The following MAF variants were observed in gnomAD, a reference collection of about 807,000 sequenced individuals.
The protein encoded by MAF is MAF bZIP transcription factor.
In MAF, 10 loss-of-function variants were observed where a neutral mutation model predicts 22.0. The ratio of observed to expected loss-of-function variants is 0.45; its 90% CI spans 0.28 to 0.77. The LOEUF is 0.77. MAF is among the 30% of genes least tolerant of loss of function. The probability of loss-of-function intolerance (pLI) is 0.12; values close to 1 mark genes in which losing one functional copy is unlikely to be tolerated. For missense variants in MAF, 544 were observed against 548.4 expected (o/e 0.99, Z 0.08); for synonymous variants, 337 against 255.8 (o/e 1.32, Z -3.03).
the MAF span, among the ~76,000 whole-genome samples, chr16:79,392,440 AGAG>A: frequency 6.8e-6 from 1 of 146,562 alleles, no homozygotes; most frequent in East Asian, 2.1e-4. Flanking sequence ...AAGGGAAGAG[AGAG>A]GAGGAGGAGA....
the MAF span, among the ~76,000 whole-genome samples, chr16:79,361,615 G>A: frequency 6.6e-6 from 1 of 152,086 alleles, no homozygotes; most frequent in Non-Finnish European, 1.5e-5. Context: ...GCACAATGGA[G>A]CCCATAGCTA....
At chr16:79,324,380 G>T in the MAF span, among the ~76,000 whole-genome samples, 25 of 152,088 alleles carry the variant, frequency 1.6e-4, no homozygotes, top group Non-Finnish European at 3.5e-4. Context: ...TTTACAGGAG[G>T]TGAAATCTGT....
At chr16:79,402,847 C>T in the MAF span, among the ~76,000 whole-genome samples, 2 of 152,282 alleles carry the variant, frequency 1.3e-5, no homozygotes, top group East Asian at 3.9e-4. Context: ...GGGGAAGTTC[C>T]AAGGAGTAGA....
At chr16:79,492,433 A>G in the MAF span, among the ~76,000 whole-genome samples, 1 of 152,114 alleles carries the variant, frequency 6.6e-6, no homozygotes, top group Non-Finnish European at 1.5e-5. Flanking sequence ...GGCAATTTAC[A>G]TGGCTCAGCT....
the MAF span, among the ~76,000 whole-genome samples, chr16:79,226,230 G>A: frequency 2.6e-5 from 4 of 152,156 alleles, no homozygotes; most frequent in Admixed American, 6.5e-5. Flanking sequence ...TCCTTTGCAG[G>A]GACATGGATG....
the MAF span, among the ~76,000 whole-genome samples, chr16:79,306,745 C>T: frequency 1.3e-5 from 2 of 152,120 alleles, no homozygotes; most frequent in African/African-American, 2.4e-5. Flanking sequence ...CTGGGCAATC[C>T]TCATAGACAG....
At chr16:79,403,652 G>T in the MAF span, among the ~76,000 whole-genome samples, 1 of 152,204 alleles carries the variant, frequency 6.6e-6, no homozygotes, top group Admixed American at 6.5e-5. Flanking sequence ...CACCTCTGGA[G>T]TCTAGCAAGG....
chr16:79,314,570 G>A, the MAF span, among the ~76,000 whole-genome samples: 1 of 152,146 alleles, frequency 6.6e-6, no homozygotes, highest in African/African-American at 2.4e-5. Context: ...GGGATGGCAG[G>A]TCCCTACATT....
chr16:79,352,173 C>A, the MAF span, among the ~76,000 whole-genome samples: 1 of 152,186 alleles, frequency 6.6e-6, no homozygotes. Context: ...AAGCCACACC[C>A]TCAACTCAGA....
At chr16:79,211,805 C>G in the MAF span, 1 of 1,614,068 alleles carries the variant, frequency 6.2e-7, no homozygotes, top group Non-Finnish European at 8.5e-7. Context: ...AAGTGGAGCT[C>G]AGAGCGGATG....
chr16:79,371,947 A>C, the MAF span, among the ~76,000 whole-genome samples: 2,487 of 152,364 alleles, frequency 0.016, 27 homozygotes, highest in Non-Finnish European at 0.026. Flanking sequence ...AAATGTGGAT[A>C]AATAACATTC....
At chr16:79,494,606 GA>G in the MAF span, among the ~76,000 whole-genome samples, 1 of 152,116 alleles carries the variant, frequency 6.6e-6, no homozygotes, top group African/African-American at 2.4e-5. Flanking sequence ...GTTCCTAGGG[GA>G]AAAAAACCCC....
the MAF span, among the ~76,000 whole-genome samples, chr16:79,398,250 G>C: frequency 6.6e-6 from 1 of 152,102 alleles, no homozygotes; most frequent in South Asian, 2.1e-4. Flanking sequence ...TTGTGATTAC[G>C]CTAGGTCCAG....
At chr16:79,588,737 C>G (rs929650435) in intron 1 of MAF, among the ~76,000 whole-genome samples, 12 of 152,104 alleles carry the variant, frequency 7.9e-5, no homozygotes, top group Non-Finnish European at 1.2e-4. Context: ...GCTGGGATTA[C>G]AAGCATGAGC....
chr16:79,488,741 C>A, the MAF span, among the ~76,000 whole-genome samples: 5 of 152,154 alleles, frequency 3.3e-5, no homozygotes, highest in Admixed American at 2.0e-4. Context: ...ATGTCAGAGG[C>A]ACCCTTAGAG....
At chr16:79,541,145 C>T in the MAF span, among the ~76,000 whole-genome samples, 1 of 152,170 alleles carries the variant, frequency 6.6e-6, no homozygotes, top group East Asian at 1.9e-4. Context: ...TCTAATAGTG[C>T]TATAATTATT....
At chr16:79,510,047 A>G in the MAF span, among the ~76,000 whole-genome samples, 2 of 152,214 alleles carry the variant, frequency 1.3e-5, no homozygotes, top group African/African-American at 4.8e-5. Flanking sequence ...AGTCACTGGA[A>G]TCAGGTTTGT....
the MAF span, among the ~76,000 whole-genome samples, chr16:79,578,290 T>A: frequency 6.6e-6 from 1 of 151,438 alleles, no homozygotes; most frequent in Non-Finnish European, 1.5e-5. Flanking sequence ...TGGGGTGAGT[T>A]TTTTTAAGAT....
chr16:79,262,058 C>G, the MAF span, among the ~76,000 whole-genome samples: 1 of 152,152 alleles, frequency 6.6e-6, no homozygotes, highest in African/African-American at 2.4e-5. Context: ...CCCAGGCAGT[C>G]ACATTCAGGG....
Sources: gnomAD v4.1 joint callset for allele counts (sites outside exome capture counted in the v4.1 genomes callset) on GRCh38, gnomAD v4.1.1 for gene constraint, MANE v1.5 for transcripts, NCBI Gene and HGNC (gene_info 2026-07-23, HGNC 2026-07-21) for gene names.